The following ZNF333 variants were observed in gnomAD, a reference collection of about 807,000 sequenced individuals.
ZNF333 encodes the protein zinc finger protein 333.
Under a neutral mutation model 76.1 loss-of-function variants are expected in ZNF333, and 61 were observed. The ratio of observed to expected loss-of-function variants is 0.80; its 90% confidence interval spans 0.65 to 0.99. The LOEUF (loss-of-function observed/expected upper bound fraction) is 0.99, where lower values mean the gene tolerates loss of function less well. Ranked by LOEUF, ZNF333 falls within the 50% of genes least tolerant of loss-of-function variation. The pLI is 0.00. For synonymous variants in ZNF333, 284 were observed against 305.0 expected (o/e 0.93, Z 0.72); for missense variants, 717 against 822.4 (o/e 0.87, Z 1.57).
chr19:14,712,784 G>A (rs1207541662), intron 7 of ZNF333, among the ~76,000 whole-genome samples: 2 of 152,026 alleles, frequency 1.3e-5, no homozygotes, highest in Non-Finnish European at 2.9e-5. Context: ...ATTGGATTAA[G>A]GGCCTACCCT....
At chr19:14,699,660 C>G (rs1973539588) in intron 5 of ZNF333, among the ~76,000 whole-genome samples, 1 of 152,058 alleles carries the variant, frequency 6.6e-6, no homozygotes, top group South Asian at 2.1e-4. Context: ...CAGGGTTTCA[C>G]TGTGTTGGCC....
chr19:14,717,556 G>C, intron 10 of ZNF333, 101 bp from the exon 11 acceptor site: 1 of 989,668 alleles, frequency 1.0e-6, no homozygotes, highest in Non-Finnish European at 1.6e-6. Context: ...CCAGTATTTG[G>C]GAAAAAAAGT....
At chr19:14,732,571 G>A (rs1011207459) in exon 12 of ZNF333, 2 of 152,128 alleles carry the variant, frequency 1.3e-5, no homozygotes, top group Non-Finnish European at 2.9e-5. Context: ...GAAACTATGG[G>A]CAGTGAGTCA....
At position 14,718,842 on chromosome 19, in the gene ZNF333, A is replaced by G. The variant is rs774165856; in HGVS notation, c.1515A>G (p.Pro505=). The G allele has an allele frequency of 8.1e-6, 13 of 1,613,944 alleles. No individual in the cohort carries two copies. Among genetic ancestry groups the G allele is most frequent in the Non-Finnish European group, 1.1e-5 (13 of 1,180,002 alleles). Residue 505 remains proline (P), a synonymous_variant, in exon 12 of 12, where the codon CCA becomes CCG. Transcript: ENST00000292530. The part of the protein sequence containing the change: ...THLRTHTREK[P]YECNQCGKPF... Reference sequence around the variant, plus strand: ...TGCGAACCCATACCAGAGAGAAACCATATGAATGCAACCAGTGTGGCAAGC... The same window carrying G: ...TGCGAACCCATACCAGAGAGAAACCGTATGAATGCAACCAGTGTGGCAAGC...
At chr19:14,694,519 C>T (rs1192365511) in intron 2 of ZNF333, among the ~76,000 whole-genome samples, 2 of 151,992 alleles carry the variant, frequency 1.3e-5, no homozygotes, top group Non-Finnish European at 2.9e-5. Flanking sequence ...CAATGGAAGT[C>T]CTACTTTCAC....
chr19:14,697,292 T>C (rs1973275102), intron 4 of ZNF333, among the ~76,000 whole-genome samples: 1 of 152,158 alleles, frequency 6.6e-6, no homozygotes, highest in African/African-American at 2.4e-5. Flanking sequence ...GGATTGTTTC[T>C]ACTTTTTAGC....
rs1338326539 is a variant in ZNF333, at chr19:14,731,080, C to A, written c.901-95C>A. The A allele has an allele frequency of 5.6e-6, 6 of 1,071,320 alleles. No homozygotes were observed. In the East Asian group the frequency reaches 1.0e-4, roughly 18 times the overall value. The allele number at this position is 1,071,320 out of a possible 1,614,324, so 66.4% of individuals were successfully genotyped here. A position where few individuals can be genotyped will look rare whatever the true frequency, so the allele number is the denominator to read the frequency against. ...CATGCTGCCCTGGTCTCAAGCACCGCCCCTCCTGCCCCCTCCCCCCAAGGA... is the reference window on the plus strand; with the variant it reads ...CATGCTGCCCTGGTCTCAAGCACCGACCCTCCTGCCCCCTCCCCCCAAGGA... On this transcript the variant is annotated intron_variant, in intron 11 of 11. Transcript: ENST00000540689.
chr19:14,709,248 A>G (rs1478346676), intron 7 of ZNF333: 1 of 152,272 alleles, frequency 6.6e-6, no homozygotes, highest in African/African-American at 2.4e-5. Context: ...TTTTCTTTAT[A>G]AATTCCCCAG....
chr19:14,722,979 G>A (rs556905783), downstream of ZNF333, among the ~76,000 whole-genome samples: 2 of 152,216 alleles, frequency 1.3e-5, no homozygotes, highest in East Asian at 3.9e-4. Context: ...GTAGAGATGG[G>A]GTTTCACCAT....
At chr19:14,697,494 T>A (rs553126057) in intron 4 of ZNF333, among the ~76,000 whole-genome samples, 1 of 151,850 alleles carries the variant, frequency 6.6e-6, no homozygotes, top group Non-Finnish European at 1.5e-5. Context: ...CTTGAATAGC[T>A]GGGACCACAG....
intron 7 of ZNF333, among the ~76,000 whole-genome samples, chr19:14,707,445 T>C (rs1568540639): frequency 6.6e-6 from 1 of 151,532 alleles, no homozygotes; most frequent in Non-Finnish European, 1.5e-5. Flanking sequence ...TCCTGAGAAG[T>C]GGGGAAGAAA....
At position 14,690,095 on chromosome 19, in the gene ZNF333, CGCGGCGCGGCGCGGT is replaced by C. The variant is rs1401381398; in HGVS notation, c.-91_-77del. 4.0e-5 allele frequency: 6 copies of C among 148,414 alleles called. No individual in the cohort carries two copies. Among genetic ancestry groups the C allele is most frequent in the African/African-American group, 7.5e-5 (3 of 40,200 alleles). 9.2% of individuals were successfully genotyped at this position (148,414 alleles called of 1,614,324 possible). On this transcript the variant is annotated 5_prime_UTR_variant, in exon 1 of 12. Coordinates refer to ENST00000292530, the MANE Select transcript of ZNF333 (RefSeq NM_032433.4). The stretch of plus-strand genomic sequence containing the variant: ...GGCCGACGGCGGCTGAGCTGTGCTG[CGCGGCGCGGCGCGGT>C]GCGGCACGGCACGGTGGGAGTGTCT...
intron 8 of ZNF333, 51 bp from the exon 9 acceptor site, chr19:14,716,061 C>T (rs750307600): frequency 8.7e-6 from 14 of 1,608,540 alleles, no homozygotes; most frequent in Admixed American, 1.7e-5. Context: ...CATCCTCTGG[C>T]GTACTGGTGG....
intron 11 of ZNF333, among the ~76,000 whole-genome samples, chr19:14,730,325 G>C (rs2042659310): frequency 6.6e-6 from 1 of 152,106 alleles, no homozygotes; most frequent in Admixed American, 6.6e-5. Context: ...AAAGTGCTGG[G>C]ATTACAGGTG....
At position 14,699,885 on chromosome 19, in the gene ZNF333, C is replaced by G. The variant is rs557787928; in HGVS notation, c.306+604C>G. Among the ~76,000 whole-genome samples the G allele has an allele frequency of 2.6e-5, 4 of 152,286 alleles. No homozygotes were observed. In the East Asian group the frequency reaches 5.8e-4, roughly 22 times the overall value. On this transcript the variant is annotated intron_variant, in intron 5 of 11. Coordinates refer to ENST00000292530, the MANE Select transcript of ZNF333 (RefSeq NM_032433.4). ...GCCCTGTGGTAGAGCTGGCAACACA[C>G]TCGACGAACTCCAGCTGTCTAAACA...
At chr19:14,723,996 T>C (rs74537324), downstream of ZNF333, among the ~76,000 whole-genome samples, 46 of 152,304 alleles carry the variant, frequency 3.0e-4, no homozygotes, top group East Asian at 7.9e-3. Context: ...ACCTGGTGTT[T>C]GGGCATTCTG....
chr19:14,731,105 A>G, intron 11 of ZNF333: 20 of 1,099,408 alleles, frequency 1.8e-5, no homozygotes, highest in East Asian at 2.8e-5. Context: ...CCCCCCAAGG[A>G]TTGGCCCCTT....
chr19:14,693,823 C>T (rs1972949349), intron 2 of ZNF333, among the ~76,000 whole-genome samples: 2 of 151,772 alleles, frequency 1.3e-5, no homozygotes, highest in African/African-American at 4.8e-5. Context: ...AATTAAGATT[C>T]AGTACATTTA....
Position 14,715,527 on chromosome 19 carries a change from C to A in ZNF333, c.600+57C>A, listed in dbSNP as rs186466583. 4 of 1,531,330 alleles carry A rather than the reference C, an allele frequency of 2.6e-6. No individual in the cohort carries two copies. In the Admixed American group the frequency reaches 7.0e-5, roughly 27 times the overall value. The allele number at this position is 1,531,330 out of a possible 1,614,324, so 94.9% of individuals were successfully genotyped here. ...CTGCTGTGCCCAAAGGCTGGACTTA[C>A]CTTCTTCCTGTGACCTGTCTGGATC... On this transcript the variant is annotated intron_variant, in intron 8 of 11. Coordinates refer to ENST00000292530, the MANE Select transcript of ZNF333 (RefSeq NM_032433.4).
Sources: gnomAD v4.1 joint callset for allele counts (sites outside exome capture counted in the v4.1 genomes callset) on GRCh38, gnomAD v4.1.1 for gene constraint, MANE v1.5 for transcripts, NCBI Gene and HGNC (gene_info 2026-07-23, HGNC 2026-07-21) for gene names.